CFAP54: variants seen among roughly 807,000 people sequenced by gnomAD.
The protein encoded by CFAP54 is cilia- and flagella-associated protein 54.
In CFAP54, 290 loss-of-function variants were observed where a neutral mutation model predicts 370.4. That is an observed-to-expected ratio of 0.78 (90% CI 0.71 to 0.86). The LOEUF is 0.86. Among genes scored for constraint, CFAP54 ranks in the 40% least tolerant of loss-of-function variants. The probability of loss-of-function intolerance (pLI) is 0.00; values close to 1 mark genes in which losing one functional copy is unlikely to be tolerated. For missense variants in CFAP54, 3,399 were observed against 3,528.7 expected, an observed-to-expected ratio of 0.96 and a Z score of 0.93; for synonymous variants, 1,206 against 1,236.5, an observed-to-expected ratio of 0.98 and a Z score of 0.52.
chr12:96,770,110 A>C (rs867128937), intron 60 of CFAP54, among the ~76,000 whole-genome samples: 26 of 152,302 alleles, frequency 1.7e-4, no homozygotes, highest in Non-Finnish European at 2.5e-4. Context: ...GGATTGGTAT[A>C]TTACTACTCA....
intron 22 of CFAP54, among the ~76,000 whole-genome samples, chr12:96,584,257 A>G (rs554375635): frequency 9.9e-4 from 151 of 152,222 alleles, no homozygotes; most frequent in Non-Finnish European, 1.3e-3. Flanking sequence ...TGAGGTCAGG[A>G]GTTCAAGACC....
intron 50 of CFAP54, among the ~76,000 whole-genome samples, chr12:96,724,815 C>T (rs1397132418): frequency 3.9e-5 from 6 of 152,098 alleles, no homozygotes; most frequent in Non-Finnish European, 8.8e-5. Flanking sequence ...TTAGGTCTAA[C>T]GTTTAAGTCT....
intron 1 of CFAP54, among the ~76,000 whole-genome samples, chr12:96,498,421 T>C (rs914881543): frequency 1.4e-4 from 22 of 152,310 alleles, no homozygotes; most frequent in Non-Finnish European, 2.6e-4. Context: ...TGGGGAGGCC[T>C]AGGCAGGTGG....
chr12:96,729,682 G>A (rs916770769), intron 50 of CFAP54, among the ~76,000 whole-genome samples: 9 of 152,190 alleles, frequency 5.9e-5, no homozygotes, highest in Non-Finnish European at 2.9e-5. Flanking sequence ...CGCGCACGGC[G>A]CGCTGCACCC....
At chr12:96,670,729 A>T (rs1031355816) in intron 39 of CFAP54, among the ~76,000 whole-genome samples, 8 of 152,236 alleles carry the variant, frequency 5.3e-5, no homozygotes, top group Admixed American at 6.5e-5. Context: ...AAAAGGAAGC[A>T]GTCAACTATC....
intron 66 of CFAP54, among the ~76,000 whole-genome samples, chr12:96,850,051 G>A (rs1009446487): frequency 6.6e-6 from 1 of 152,064 alleles, no homozygotes; most frequent in African/African-American, 2.4e-5. Context: ...AGAGTCGTCT[G>A]TAAAATTTCC....
chr12:96,530,922 T>A (rs558017557), intron 9 of CFAP54, among the ~76,000 whole-genome samples: 68 of 152,350 alleles, frequency 4.5e-4, no homozygotes, highest in African/African-American at 1.6e-3. Context: ...ATTTCCCTAA[T>A]GGCTAAAGAT....
intron 66 of CFAP54, among the ~76,000 whole-genome samples, chr12:96,831,578 A>C (rs1226272067): frequency 6.6e-6 from 1 of 152,192 alleles, no homozygotes. Flanking sequence ...AGAGAGTGAC[A>C]GGGAATGGGG....
At chr12:96,826,832 TATATC>T (rs1319247473) in intron 65 of CFAP54, among the ~76,000 whole-genome samples, 3 of 115,794 alleles carry the variant, frequency 2.6e-5, no homozygotes, top group Non-Finnish European at 4.8e-5. Flanking sequence ...TATTATATAA[TATATC>T]ATATAATATT....
intron 51 of CFAP54, among the ~76,000 whole-genome samples, chr12:96,741,328 G>A (rs543135051): frequency 4.5e-4 from 69 of 152,212 alleles, no homozygotes; most frequent in African/African-American, 1.5e-3. Context: ...CACCATGCCT[G>A]TCTAATTTTT....
At position 96,683,657 on chromosome 12, in the gene CFAP54, C is replaced by A. The variant is rs187545697; in HGVS notation, c.5717-991C>A. On this transcript the variant is annotated intron_variant, in intron 40 of 67. Coordinates refer to ENST00000524981, the MANE Select transcript of CFAP54 (RefSeq NM_001306084.2). The stretch of plus-strand genomic sequence containing the variant: ...GCCCCCATTGTGACATCTAGCAAAA[C>A]CCTTTCTCACATTTCTAAAATAGCC... Among the ~76,000 whole-genome samples, 992 of 152,232 alleles carry A rather than the reference C, an allele frequency of 6.5e-3. 2 individuals are homozygous for A. The highest frequency in any genetic ancestry group is 0.011 in the Non-Finnish European group (745 of 68,034).
chr12:96,503,832 A>C, intron 2 of CFAP54, 54 bp from the exon 3 acceptor site: 1 of 1,328,824 alleles, frequency 7.5e-7, no homozygotes, highest in African/African-American at 1.5e-5. Flanking sequence ...TTACCTAATA[A>C]TGATAAGCTA....
intron 38 of CFAP54, among the ~76,000 whole-genome samples, chr12:96,663,043 T>C (rs1363380326): frequency 6.6e-6 from 1 of 152,188 alleles, no homozygotes; most frequent in Non-Finnish European, 1.5e-5. Context: ...CCCTTCTTCT[T>C]GTAACAGTGT....
rs1197816281 is a variant in CFAP54, at chr12:96,786,717, C to T, written c.8498C>T (p.Thr2833Ile). The T allele has an allele frequency of 3.4e-5, 52 of 1,535,450 alleles. No individual in the cohort carries two copies. The highest frequency in any genetic ancestry group is 3.7e-5 in the Non-Finnish European group (43 of 1,146,690). ...PVSGISLPDD[T>I]LLTSLYNSEL... ...TCTGGAATTTCTTTGCCAGATGATA[C>T]ACTTCTCACATCCCTTTACAACTCT... The change falls in exon 62 of 68, where the codon ACA (threonine) becomes ATA (isoleucine). Residue 2833 changes from threonine (T) to isoleucine (I), a missense_variant. Physicochemically the swap from Thr to Ile is moderately conservative, Grantham distance 89. Coordinates refer to ENST00000524981, the MANE Select transcript of CFAP54 (RefSeq NM_001306084.2).
At chr12:96,653,736 A>C (rs1352783387) in intron 36 of CFAP54, among the ~76,000 whole-genome samples, 1 of 151,960 alleles carries the variant, frequency 6.6e-6, no homozygotes, top group African/African-American at 2.4e-5. Context: ...AAAGAGAAGA[A>C]AGGAAATAAT....
intron 14 of CFAP54, among the ~76,000 whole-genome samples, chr12:96,543,863 T>C (rs1413718564): frequency 6.6e-6 from 1 of 152,166 alleles, no homozygotes; most frequent in Non-Finnish European, 1.5e-5. Context: ...TCCCTGTTGC[T>C]TTTCTCTCAA....
At chr12:96,625,654 C>A in intron 28 of CFAP54, 64 bp from the exon 29 acceptor site, 1 of 961,086 alleles carries the variant, frequency 1.0e-6, no homozygotes, top group Non-Finnish European at 1.5e-6. Context: ...TTGTGAATTA[C>A]TCAAAAAATT....
At chr12:96,651,896 T>G in intron 36 of CFAP54, 81 bp downstream of exon 36, 6 of 690,382 alleles carry the variant, frequency 8.7e-6, no homozygotes, top group Non-Finnish European at 1.2e-5. Context: ...TAGAAACTGT[T>G]TTTTTTTTTA....
chr12:96,538,631 T>C lies in CFAP54; in HGVS notation c.1926+113T>C, dbSNP rs571676763. 5.9e-5 allele frequency: 58 copies of C among 990,018 alleles called. No individual in the cohort carries two copies. The South Asian group carries it at 9.5e-4, about 16-fold the overall frequency. The allele number at this position is 990,018 out of a possible 1,614,324, so 61.3% of individuals were successfully genotyped here. On this transcript the variant is annotated intron_variant, in intron 13 of 67. Transcript: ENST00000524981. ...TTTTTCACCTGGTTAATGACTTTCA[T>C]TTGCATATATACATATATAAAGAAG...
Sources: gnomAD v4.1 joint callset for allele counts (sites outside exome capture counted in the v4.1 genomes callset) on GRCh38, gnomAD v4.1.1 for gene constraint, MANE v1.5 for transcripts, NCBI Gene and HGNC (gene_info 2026-07-23, HGNC 2026-07-21) for gene names.